Variants in GABRD observed in about 807,000 individuals in gnomAD.
GABRD encodes the protein gamma-aminobutyric acid type A receptor subunit delta, also known as gamma-aminobutyric acid receptor subunit delta.
Under a neutral mutation model 47.3 loss-of-function variants are expected in GABRD, and 25 were observed. The ratio of observed to expected loss-of-function variants is 0.53; its 90% CI spans 0.39 to 0.74. The LOEUF (loss-of-function observed/expected upper bound fraction) is 0.74. GABRD is among the 30% of genes least tolerant of loss of function. GABRD has a pLI of 0.00. For missense variants in GABRD, 497 were observed against 643.4 expected (o/e 0.77, Z 2.46); for synonymous variants, 314 against 278.8 (o/e 1.13, Z -1.26).
rs1401170755 is a variant in GABRD at position 2,028,486 on chromosome 1, C to G, written c.691+194C>G. Among the ~76,000 whole-genome samples, 1 of 152,170 alleles carries G rather than the reference C, an allele frequency of 6.6e-6. No homozygotes were observed. The highest frequency in any genetic ancestry group is 6.5e-5 in the Admixed American group (1 of 15,280). The stretch of plus-strand genomic sequence containing the variant: ...GACGCTGCTGCCTTAGGAACTTGCT[C>G]ATTGGCACCAGCTGCACCTGAACCA... On this transcript the variant is annotated intron_variant, in intron 6 of 8. Coordinates refer to ENST00000378585, the MANE Select transcript of GABRD (RefSeq NM_000815.5). This position sits in a 1 kb window ranked among gnomAD's most constrained non-coding sequence, Gnocchi z 6.4.
intron 6 of GABRD, 101 bp from the exon 7 acceptor site, chr1:2,029,010 C>G: frequency 1.4e-6 from 2 of 1,430,364 alleles, no homozygotes; most frequent in Non-Finnish European, 1.9e-6. Context: ...CTCTTCTGAG[C>G]CCTGGTGGGC....
At chr1:2,021,058 G>A (rs1476327954) in intron 1 of GABRD, among the ~76,000 whole-genome samples, 5 of 152,212 alleles carry the variant, frequency 3.3e-5, no homozygotes, top group Non-Finnish European at 7.3e-5. Flanking sequence ...AGGAAAGCTG[G>A]AAGGCCACGG....
chr1:2,021,173 C>T (rs1658760479), intron 1 of GABRD, among the ~76,000 whole-genome samples: 1 of 152,236 alleles, frequency 6.6e-6, no homozygotes, highest in Non-Finnish European at 1.5e-5. Context: ...CACTGCTTTG[C>T]TCAGCTCCCC....
At chr1:2,019,973 A>C (rs1206722559) in intron 1 of GABRD, among the ~76,000 whole-genome samples, 1 of 152,140 alleles carries the variant, frequency 6.6e-6, no homozygotes, top group Non-Finnish European at 1.5e-5. Flanking sequence ...CGGACGGAGG[A>C]GGCTGTCTCG....
rs569460043 is a variant in GABRD at position 2,024,672 on chromosome 1, C to T, written c.69-270C>T. On this transcript the variant is annotated intron_variant, in intron 1 of 8. Transcript: ENST00000378585. ...GCTCTGTCCAACCCAGGGCCACCTC[C>T]CTCAAAGCCAGGAGGGCTAAGTGGG... 2.3e-5 allele frequency: 7 copies of T among 303,244 alleles called. No homozygotes were observed. In the Admixed American group the frequency reaches 2.7e-4, roughly 12 times the overall value. 18.8% of individuals were successfully genotyped at this position (303,244 alleles called of 1,614,324 possible).
chr1:2,029,949 C>G (rs750815353), intron 8 of GABRD, 34 bp from the exon 9 acceptor site: 6 of 1,608,652 alleles, frequency 3.7e-6, no homozygotes, highest in Non-Finnish European at 5.1e-6. Context: ...CACCCCAGTG[C>G]TCAGCCCTGT....
At position 2,029,604 on chromosome 1, in the gene GABRD, C is replaced by T. The variant is rs1188769407; in HGVS notation, c.901C>T (p.Leu301=). ...TTLMVSARSS[L]PRASAIKALD... ...GCTCATGGTCAGTGCCCGCTCCTCCCTGCCACGGGCATCAGCCATCAAGGC... is the reference window on the plus strand; with the variant it reads ...GCTCATGGTCAGTGCCCGCTCCTCCTTGCCACGGGCATCAGCCATCAAGGC... Residue 301 remains leucine, a synonymous_variant, in exon 8 of 9, where the codon CTG becomes TTG. Coordinates refer to ENST00000378585, the MANE Select transcript of GABRD (RefSeq NM_000815.5). 3.1e-6 allele frequency: 5 copies of T among 1,613,228 alleles called. No homozygotes were observed. In the Admixed American group the frequency reaches 5.0e-5, roughly 16 times the overall value.
intron 1 of GABRD, among the ~76,000 whole-genome samples, chr1:2,019,822 C>T (rs1042973120): frequency 6.1e-4 from 93 of 152,310 alleles, no homozygotes; most frequent in African/African-American, 2.2e-3. Context: ...GTCCCCGGGT[C>T]CGCGGCACTC....
At position 2,029,261 on chromosome 1, in the gene GABRD, C is replaced by T; in HGVS notation, c.842C>T (p.Ser281Phe). ...ISQAAVPARV[S>F]LGITTVLTMT... ...CAGGCGGCGGTGCCCGCCAGGGTGT[C>T]TCTAGGTACGGGGCCTCGCCGCTGC... The change falls in exon 7 of 9, where the codon TCT becomes TTT. Residue 281 changes from serine (S) to phenylalanine (F), a missense_variant. Physicochemically the swap from Ser to Phe is radical, Grantham distance 155. Transcript: ENST00000378585. The T allele has an allele frequency of 1.3e-5, 20 of 1,559,472 alleles. No homozygotes were observed. Among genetic ancestry groups the T allele is most frequent in the Non-Finnish European group, 1.7e-5 (20 of 1,154,200 alleles).
chr1:2,029,778 C>A lies in GABRD; in HGVS notation c.1059+16C>A. 2.5e-6 allele frequency: 4 copies of A among 1,605,708 alleles called. No homozygotes were observed. Among genetic ancestry groups the A allele is most frequent in the Non-Finnish European group, 3.4e-6 (4 of 1,173,536 alleles). Reference sequence around the variant, plus strand: ...GAGGGCAGAGGTGAGGGCCTGGGGCCGAGCCAGGGACAGCACTGCTGGGGG... The same window carrying A: ...GAGGGCAGAGGTGAGGGCCTGGGGCAGAGCCAGGGACAGCACTGCTGGGGG... On this transcript the variant is annotated intron_variant, in intron 8 of 8. Transcript: ENST00000378585.
At chr1:2,022,839 G>T (rs1029622439) in intron 1 of GABRD, among the ~76,000 whole-genome samples, 2 of 152,254 alleles carry the variant, frequency 1.3e-5, no homozygotes, top group African/African-American at 4.8e-5. Context: ...TCCTGCCAGA[G>T]TTGGGCCACC....
In GABRD at chr1:2,028,347, C is replaced by T. The variant is rs1658987520; in HGVS notation, c.691+55C>T. ...GTGCCCGCCGCCCCTTCCGCGCGCG[C>T]CCACCGCCCCTTCCGCGCGCGCCCA... On this transcript the variant is annotated intron_variant, in intron 6 of 8. Coordinates refer to ENST00000378585, the MANE Select transcript of GABRD (RefSeq NM_000815.5). The surrounding 1 kb of genome is among the most constrained non-coding windows in gnomAD (Gnocchi z 6.4). The T allele has an allele frequency of 6.6e-7, 1 of 1,505,802 alleles. No homozygotes were observed. The highest frequency in any genetic ancestry group is 1.4e-5 in the African/African-American group (1 of 69,870). The allele number at this position is 1,505,802 out of a possible 1,614,324, so 93.3% of individuals were successfully genotyped here.
At chr1:2,023,271 G>A (rs1164415932) in intron 1 of GABRD, among the ~76,000 whole-genome samples, 7 of 152,078 alleles carry the variant, frequency 4.6e-5, no homozygotes, top group East Asian at 3.9e-4. Context: ...GGCTGGAGCC[G>A]GAGAGACAGA....
Position 2,027,644 on chromosome 1 carries a change from C to G in GABRD, c.538C>G (p.Leu180Val). The change falls in exon 5 of 9, where the codon CTG becomes GTG. Residue 180 changes from leucine to valine, a missense_variant. This residue lies in a region of GABRD where 285 missense variants were observed against 436.6 expected (regional missense o/e 0.65). Coordinates refer to ENST00000378585, the MANE Select transcript of GABRD (RefSeq NM_000815.5). ...KYPMDEQECM[L>V]DLESYGYSSE... The stretch of plus-strand genomic sequence containing the variant: ...CCCCATGGACGAGCAGGAGTGCATG[C>G]TGGACCTGGAGAGCTGTGAGTGGGT... The G allele has an allele frequency of 6.2e-7, 1 of 1,613,848 alleles. No individual in the cohort carries two copies. The highest frequency in any genetic ancestry group is 1.1e-5 in the South Asian group (1 of 91,066).
At chr1:2,026,788 T>C (rs889769998) in intron 4 of GABRD, 1 of 151,304 alleles carries the variant, frequency 6.6e-6, no homozygotes, top group African/African-American at 2.4e-5. Context: ...TGAGCCGAGA[T>C]TGCGCCACTG....
chr1:2,023,400 G>C (rs898055752), intron 1 of GABRD, among the ~76,000 whole-genome samples: 1 of 151,960 alleles, frequency 6.6e-6, no homozygotes, highest in African/African-American at 2.4e-5. Context: ...GGGGTGCCTC[G>C]AGCCCAGGTC....
At chr1:2,025,164 C>G in intron 2 of GABRD, 110 bp downstream of exon 2, 3 of 1,270,090 alleles carry the variant, frequency 2.4e-6, no homozygotes, top group Non-Finnish European at 3.3e-6. Flanking sequence ...AAGCCTGGCT[C>G]TCCCCTGGGG....
Position 2,019,452 on chromosome 1 carries a change from C to G in GABRD, c.29C>G (p.Pro10Arg). Residue 10 changes from proline (P) to arginine (R), a missense_variant, in exon 1 of 9, where the codon CCG (proline) becomes CGG (arginine). Coordinates refer to ENST00000378585, the MANE Select transcript of GABRD (RefSeq NM_000815.5). ...GACGCGCCCGCCCGGCTGCTGGCCC[C>G]GCTCCTGCTCCTCTGCGCGCAGCAG... MDAPARLLA[P>R]LLLLCAQQLR... is the part of the protein sequence containing the mutation. The G allele has an allele frequency of 1.8e-6, 2 of 1,108,708 alleles. No individual in the cohort carries two copies. The highest frequency in any genetic ancestry group is 2.2e-6 in the Non-Finnish European group (2 of 910,618). The allele number at this position is 1,108,708 out of a possible 1,614,324, so 68.7% of individuals were successfully genotyped here. A position where few individuals can be genotyped will look rare whatever the true frequency, so the allele number is the denominator to read the frequency against.
intron 4 of GABRD, chr1:2,026,406 A>C (rs1229765129): frequency 6.6e-6 from 1 of 152,364 alleles, no homozygotes; most frequent in Admixed American, 6.5e-5. Context: ...CCCTCTGCCG[A>C]GGGGCGCTTG....
Sources: allele counts gnomAD v4.1 joint callset (sites outside exome capture counted in the v4.1 genomes callset), GRCh38; gene constraint gnomAD v4.1.1; regional missense constraint gnomAD v4.1.1; non-coding constraint Gnocchi (gnomAD v3.1); transcripts MANE v1.5; gene names NCBI Gene and HGNC (gene_info 2026-07-23, HGNC 2026-07-21).